The following CDH12 variants were observed in gnomAD, a reference collection of about 807,000 sequenced individuals.
CDH12 encodes cadherin-12.
CDH12 carries 41 observed loss-of-function variants against 74.1 expected under a neutral mutation model. The observed-to-expected ratio is 0.55, with a 90% CI of 0.43 to 0.72. CDH12 has a LOEUF of 0.72. Ranked by LOEUF, CDH12 falls within the 30% of genes least tolerant of loss-of-function variation. CDH12 has a pLI of 0.00. For synonymous variants in CDH12, 399 were observed against 355.0 expected, an observed-to-expected ratio of 1.12 and a Z score of -1.39; for missense variants, 945 against 977.2, an observed-to-expected ratio of 0.97 and a Z score of 0.44.
chr5:22,317,802 C>T (rs531221221), intron 3 of CDH12, among the ~76,000 whole-genome samples: 2 of 152,184 alleles, frequency 1.3e-5, no homozygotes, highest in East Asian at 3.9e-4. Flanking sequence ...TGCCAAGTGA[C>T]ATGAAGTTAA....
intron 2 of CDH12, among the ~76,000 whole-genome samples, chr5:22,445,629 T>C (rs1744787994): frequency 6.6e-6 from 1 of 152,156 alleles, no homozygotes; most frequent in Admixed American, 6.6e-5. Context: ...ACCTCCCTTT[T>C]ATATCCAAAT....
chr5:22,041,640 A>C (rs183260676), intron 5 of CDH12, among the ~76,000 whole-genome samples: 83 of 152,270 alleles, frequency 5.5e-4, no homozygotes, highest in Admixed American at 3.0e-3. Context: ...TGCACCTAAC[A>C]TCAGAGTGCC....
In CDH12 at chr5:22,401,005, A is replaced by G. The variant is rs928587505; in HGVS notation, c.-333+4252T>C. Among the ~76,000 whole-genome samples the G allele has an allele frequency of 2.6e-5, 4 of 152,298 alleles. No individual in the cohort carries two copies. In the South Asian group the frequency reaches 8.3e-4, roughly 32 times the overall value. ...ATCACATTGTACTCAACTTCTATAC[A>G]TTTGAATATTTCCATATAATAAATA... On this transcript the variant is annotated intron_variant, in intron 3 of 14. Coordinates refer to ENST00000382254, the MANE Select transcript of CDH12 (RefSeq NM_004061.5).
intron 1 of CDH12, among the ~76,000 whole-genome samples, chr5:22,824,178 T>G (rs1442468044): frequency 2.6e-5 from 4 of 152,086 alleles, no homozygotes; most frequent in Non-Finnish European, 5.9e-5. Flanking sequence ...AATGGTCAAC[T>G]AAAGATTGTA....
At chr5:22,750,431 G>C (rs1745506661) in intron 1 of CDH12, among the ~76,000 whole-genome samples, 1 of 152,114 alleles carries the variant, frequency 6.6e-6, no homozygotes, top group Admixed American at 6.5e-5. Context: ...AACGGGCAAA[G>C]AATGCAATTA....
intron 5 of CDH12, among the ~76,000 whole-genome samples, chr5:22,058,673 GA>G (rs1056140605): frequency 8.4e-5 from 10 of 119,196 alleles, no homozygotes; most frequent in African/African-American, 2.8e-4. Flanking sequence ...AAGGAAAGGA[GA>G]AAAAAAGAAA....
intron 6 of CDH12, among the ~76,000 whole-genome samples, chr5:21,892,280 C>T (rs553716074): frequency 4.6e-5 from 7 of 152,154 alleles, no homozygotes; most frequent in Admixed American, 1.3e-4. Flanking sequence ...TGTAGATGTT[C>T]GGCAAGGCTC....
chr5:22,269,905 C>T (rs1045481984), intron 3 of CDH12, among the ~76,000 whole-genome samples: 2 of 152,104 alleles, frequency 1.3e-5, no homozygotes, highest in African/African-American at 2.4e-5. Context: ...AACAAATCAT[C>T]ATTATTAGAA....
At chr5:22,291,920 G>C (rs1022993560) in intron 3 of CDH12, among the ~76,000 whole-genome samples, 1 of 152,152 alleles carries the variant, frequency 6.6e-6, no homozygotes, top group Admixed American at 6.5e-5. Flanking sequence ...AAAGAACAAA[G>C]CTAGAGGCAT....
intron 5 of CDH12, among the ~76,000 whole-genome samples, chr5:22,057,665 C>T (rs1251000703): frequency 6.6e-6 from 1 of 152,102 alleles, no homozygotes; most frequent in Non-Finnish European, 1.5e-5. Context: ...ATCCTCTCCT[C>T]CTCTCTATTA....
chr5:22,760,678 C>CAAAAA (rs11284255), intron 1 of CDH12, among the ~76,000 whole-genome samples: 91 of 63,374 alleles, frequency 1.4e-3, no homozygotes, highest in Non-Finnish European at 1.6e-3. Flanking sequence ...GACTCCGTCT[C>CAAAAA]AAAAAAAAAA....
chr5:21,956,893 G>T (rs1756124465), intron 6 of CDH12, among the ~76,000 whole-genome samples: 1 of 151,898 alleles, frequency 6.6e-6, no homozygotes, highest in Non-Finnish European at 1.5e-5. Context: ...TACAGCATGG[G>T]TTTGGGCTTG....
At chr5:22,598,967 G>A (rs746011414) in intron 1 of CDH12, among the ~76,000 whole-genome samples, 2 of 152,044 alleles carry the variant, frequency 1.3e-5, no homozygotes, top group African/African-American at 2.4e-5. Flanking sequence ...TGATAATATT[G>A]CTATTACCTC....
intron 4 of CDH12, among the ~76,000 whole-genome samples, chr5:22,150,474 T>G (rs531392528): frequency 5.3e-5 from 8 of 151,710 alleles, no homozygotes; most frequent in East Asian, 3.9e-4. Context: ...TATGTATATA[T>G]AGAGAGAGAA....
At chr5:22,476,122 A>G (rs1230095895) in intron 2 of CDH12, among the ~76,000 whole-genome samples, 1 of 152,036 alleles carries the variant, frequency 6.6e-6, no homozygotes, top group Non-Finnish European at 1.5e-5. Context: ...TTGACATTTT[A>G]TGTATTTATC....
At chr5:22,001,246 T>C (rs1355571947) in intron 5 of CDH12, among the ~76,000 whole-genome samples, 1 of 152,144 alleles carries the variant, frequency 6.6e-6, no homozygotes, top group African/African-American at 2.4e-5. Context: ...TGGGATCTGA[T>C]TGCAAAGTTG....
intron 4 of CDH12, among the ~76,000 whole-genome samples, chr5:22,180,347 C>T (rs1323088721): frequency 6.6e-5 from 10 of 152,036 alleles, no homozygotes; most frequent in Non-Finnish European, 5.9e-5. Context: ...CTTTTCTTCC[C>T]ACAACCTACA....
chr5:22,455,574 T>A (rs1251739840), intron 2 of CDH12, among the ~76,000 whole-genome samples: 1 of 152,128 alleles, frequency 6.6e-6, no homozygotes, highest in African/African-American at 2.4e-5. Flanking sequence ...ACCATACGCA[T>A]GAAAATGTCA....
intron 1 of CDH12, among the ~76,000 whole-genome samples, chr5:22,825,305 A>T (rs1257447618): frequency 6.7e-6 from 1 of 150,178 alleles, no homozygotes; most frequent in Non-Finnish European, 1.5e-5. Flanking sequence ...GGAGACAACA[A>T]ATTAGATACA....
Sources: gnomAD v4.1 joint callset for allele counts (sites outside exome capture counted in the v4.1 genomes callset) on GRCh38, gnomAD v4.1.1 for gene constraint, MANE v1.5 for transcripts, NCBI Gene and HGNC (gene_info 2026-07-23, HGNC 2026-07-21) for gene names.